Variants in SMAD2 observed in about 807,000 individuals in gnomAD.
The protein encoded by SMAD2 is MAD homolog 2.
Under a neutral mutation model 64.4 loss-of-function variants are expected in SMAD2, and 8 were observed. The ratio of observed to expected loss-of-function variants is 0.12; its 90% CI spans 0.07 to 0.22. SMAD2 has a LOEUF of 0.22. Among genes scored for constraint, SMAD2 ranks in the 10% least tolerant of loss-of-function variants. SMAD2 has a pLI of 1.00. For synonymous variants in SMAD2, 203 were observed against 195.8 expected (o/e 1.04, Z -0.31); for missense variants, 289 against 561.2 (o/e 0.51, Z 4.90).
chr18:47,898,365 G>A (rs1271716316), intron 1 of SMAD2, among the ~76,000 whole-genome samples: 2 of 152,138 alleles, frequency 1.3e-5, no homozygotes, highest in African/African-American at 2.4e-5. Context: ...AGAAAAGGGG[G>A]TGAAAAGATG....
rs552472089 is a variant in SMAD2, at chr18:47,809,140, T to C, written c.*32687A>G. On this transcript the variant is annotated 3_prime_UTR_variant, in exon 11 of 11. Coordinates refer to ENST00000262160, the MANE Select transcript of SMAD2 (RefSeq NM_005901.6). ...ACAGATCACAGAAACAAGGCTGTCCTCCTCGGGCATCTCTGGGGAGGTGGA... is the reference window on the plus strand; with the variant it reads ...ACAGATCACAGAAACAAGGCTGTCCCCCTCGGGCATCTCTGGGGAGGTGGA... 1 of 152,470 alleles carries C rather than the reference T, an allele frequency of 6.6e-6. No individual in the cohort carries two copies. The highest frequency in any genetic ancestry group is 2.1e-4 in the South Asian group (1 of 4,822). The allele number at this position is 152,470 out of a possible 1,614,324, so 9.4% of individuals were successfully genotyped here. A position where few individuals can be genotyped will look rare whatever the true frequency, so the allele number is the denominator to read the frequency against.
chr18:47,879,297 C>G (rs547626351), intron 2 of SMAD2, among the ~76,000 whole-genome samples: 86 of 152,284 alleles, frequency 5.6e-4, no homozygotes, highest in African/African-American at 2.0e-3. Flanking sequence ...TCAACCCTGT[C>G]AAGATCATCA....
chr18:47,915,570 C>T (rs2034299568), intron 1 of SMAD2, among the ~76,000 whole-genome samples: 1 of 152,016 alleles, frequency 6.6e-6, no homozygotes, highest in Non-Finnish European at 1.5e-5. Flanking sequence ...AACTTTTTAA[C>T]CAAAAAAAGT....
rs1222630136 is a variant in SMAD2, at chr18:47,848,470, C to T, written c.997+5G>A. On this transcript the variant is annotated splice_donor_5th_base_variant and intron_variant, in intron 8 of 10. Coordinates refer to ENST00000262160, the MANE Select transcript of SMAD2 (RefSeq NM_005901.6). Reference sequence around the variant, plus strand: ...ATTTTTCACAACAAGGAAAATAAAACATACCTATATGCCTTCTTGTCATTT... The same window carrying T: ...ATTTTTCACAACAAGGAAAATAAAATATACCTATATGCCTTCTTGTCATTT... 12 of 1,598,194 alleles carry T rather than the reference C, an allele frequency of 7.5e-6. No homozygotes were observed. Among genetic ancestry groups the T allele is most frequent in the Non-Finnish European group, 1.0e-5 (12 of 1,165,584 alleles).
intron 1 of SMAD2, among the ~76,000 whole-genome samples, chr18:47,903,362 G>C (rs1227219539): frequency 6.7e-6 from 1 of 150,270 alleles, no homozygotes; most frequent in African/African-American, 2.4e-5. Flanking sequence ...CAGGACTAGA[G>C]AAAGAGGGGG....
intron 1 of SMAD2, among the ~76,000 whole-genome samples, chr18:47,903,111 G>C (rs1050711468): frequency 1.3e-5 from 2 of 152,100 alleles, no homozygotes; most frequent in South Asian, 2.1e-4. Flanking sequence ...AATGGGGGAT[G>C]GGGGGAGGGA....
chr18:47,901,604 G>C (rs1440866529), intron 1 of SMAD2, among the ~76,000 whole-genome samples: 1 of 151,822 alleles, frequency 6.6e-6, no homozygotes, highest in Non-Finnish European at 1.5e-5. Flanking sequence ...GGTTACCCTA[G>C]ATATTTTCTT....
At chr18:47,862,898 A>T (rs1056832412) in intron 6 of SMAD2, among the ~76,000 whole-genome samples, 23 of 152,312 alleles carry the variant, frequency 1.5e-4, no homozygotes, top group South Asian at 8.3e-4. Context: ...ACAAAGGTTA[A>T]TCGAACTTAT....
chr18:47,882,713 A>C (rs1329008998), intron 2 of SMAD2, among the ~76,000 whole-genome samples: 1 of 152,190 alleles, frequency 6.6e-6, no homozygotes, highest in Non-Finnish European at 1.5e-5. Flanking sequence ...TGTTGCACAA[A>C]TGCTTAAATT....
intron 2 of SMAD2, among the ~76,000 whole-genome samples, chr18:47,877,894 A>G (rs773627005): frequency 4.9e-4 from 75 of 152,332 alleles, no homozygotes; most frequent in Non-Finnish European, 7.9e-4. Context: ...ACAATAGCTA[A>G]TAAGTGCTCA....
chr18:47,889,035 C>A lies in SMAD2; in HGVS notation c.236+7486G>T, dbSNP rs142075336. 7.4e-3 allele frequency among the ~76,000 whole-genome samples: 1,118 copies of A among 151,972 alleles called. 8 individuals carry two copies. Among genetic ancestry groups the A allele is most frequent in the African/African-American group, 0.025 (1,053 of 41,432 alleles). On this transcript the variant is annotated intron_variant, in intron 2 of 10. Coordinates refer to ENST00000262160, the MANE Select transcript of SMAD2 (RefSeq NM_005901.6). ...TAAGAACTTACGTAGGCTTAACAGACTGAATACAGCACAAAAACAGGATCA... is the reference window on the plus strand; with the variant it reads ...TAAGAACTTACGTAGGCTTAACAGAATGAATACAGCACAAAAACAGGATCA...
chr18:47,863,002 A>G (rs953080296), intron 6 of SMAD2, among the ~76,000 whole-genome samples: 7 of 152,156 alleles, frequency 4.6e-5, no homozygotes, highest in African/African-American at 7.2e-5. Flanking sequence ...AAAAAAAAGA[A>G]AAAAGTAACA....
chr18:47,881,637 C>A (rs555659292), intron 2 of SMAD2, among the ~76,000 whole-genome samples: 1 of 152,142 alleles, frequency 6.6e-6, no homozygotes. Context: ...AATAAGGACA[C>A]AAGAGTAGAC....
chr18:47,867,071 A>G (rs2031615936), intron 5 of SMAD2: 1 of 152,148 alleles, frequency 6.6e-6, no homozygotes, highest in Non-Finnish European at 1.5e-5. Flanking sequence ...ACCAACGTTC[A>G]CACAACTCCA....
intron 1 of SMAD2, among the ~76,000 whole-genome samples, chr18:47,897,602 ATAT>A (rs1334295617): frequency 6.6e-6 from 1 of 152,178 alleles, no homozygotes; most frequent in East Asian, 1.9e-4. Flanking sequence ...AAGTAGCATA[ATAT>A]TCCTTATTTT....
intron 2 of SMAD2, among the ~76,000 whole-genome samples, chr18:47,888,918 T>C (rs1216585308): frequency 6.6e-6 from 1 of 152,132 alleles, no homozygotes; most frequent in Non-Finnish European, 1.5e-5. Flanking sequence ...ATTATAAATA[T>C]ATTAAGGAAA....
At chr18:47,894,698 C>T (rs1598852303) in intron 2 of SMAD2, among the ~76,000 whole-genome samples, 1 of 152,194 alleles carries the variant, frequency 6.6e-6, no homozygotes, top group South Asian at 2.1e-4. Flanking sequence ...TTTATAACAT[C>T]TACCAAGCCT....
At chr18:47,883,370 A>G (rs1443253688) in intron 2 of SMAD2, among the ~76,000 whole-genome samples, 3 of 152,206 alleles carry the variant, frequency 2.0e-5, no homozygotes, top group Admixed American at 1.3e-4. Context: ...TTGGATTTCA[A>G]TCTTTTAAAA....
In SMAD2 at chr18:47,850,801, T is replaced by TATATTATATAC. The variant is rs56404468; in HGVS notation, c.784+472_784+473insGTATATAATAT. Among the ~76,000 whole-genome samples the TATATTATATAC allele has an allele frequency of 2.9e-3, 25 of 8,544 alleles. 5 individuals carry two copies. The highest frequency in any genetic ancestry group is 0.011 in the Admixed American group (9 of 814). The allele number at this position is 8,544 out of a possible 152,430, so 5.6% of individuals were successfully genotyped here. On this transcript the variant is annotated intron_variant, in intron 7 of 10. Coordinates refer to ENST00000262160, the MANE Select transcript of SMAD2 (RefSeq NM_005901.6). ...TATAATATATATTATATATTATATA[T>TATATTATATAC]ATTATGTATAATATATTATATATTA...
Sources: allele counts gnomAD v4.1 joint callset (sites outside exome capture counted in the v4.1 genomes callset), GRCh38; gene constraint gnomAD v4.1.1; transcripts MANE v1.5; gene names NCBI Gene and HGNC (gene_info 2026-07-23, HGNC 2026-07-21).